The following MEAK7 variants were observed in gnomAD, a reference collection of about 807,000 sequenced individuals.
MEAK7 encodes the protein MTOR-associated protein MEAK7.
MEAK7 carries 68 observed loss-of-function variants against 40.5 expected under a neutral mutation model. That is an observed-to-expected ratio of 1.68 (90% confidence interval 1.38 to 2.06). MEAK7 has a LOEUF of 2.06. MEAK7 is among the 30% of genes most tolerant of loss of function. The pLI is 0.00. For synonymous variants in MEAK7, 338 were observed against 231.9 expected (o/e 1.46, Z -4.16); for missense variants, 918 against 580.5 (o/e 1.58, Z -5.98).
intron 5 of MEAK7, among the ~76,000 whole-genome samples, chr16:84,483,630 G>A (rs72806694): frequency 1.0e-3 from 157 of 152,306 alleles, no homozygotes; most frequent in Middle Eastern, 3.4e-3. Context: ...CGATGGCCCC[G>A]AGCAAGCCAA....
intron 1 of MEAK7, among the ~76,000 whole-genome samples, chr16:84,500,245 C>T (rs1317557105): frequency 2.0e-5 from 3 of 152,136 alleles, no homozygotes; most frequent in East Asian, 1.9e-4. Flanking sequence ...TTCCACCTTC[C>T]GGCTATCATG....
Position 84,478,537 on chromosome 16 carries a change from G to A in MEAK7, c.*1376C>T, listed in dbSNP as rs139452648. ...CAAAAGGTCAAAGCTTACAGCAAAA[G>A]ACAAAAGGAAGAGGTATATATCTTA... is the stretch of plus-strand genomic sequence containing the variant. On this transcript the variant is annotated 3_prime_UTR_variant, in exon 8 of 8. Coordinates refer to ENST00000343629, the MANE Select transcript of MEAK7 (RefSeq NM_020947.4). 6.2e-3 allele frequency: 945 copies of A among 152,314 alleles called. 2 individuals are homozygous for A. Among genetic ancestry groups the A allele is most frequent in the Middle Eastern group, 0.01 (3 of 294 alleles). The allele number at this position is 152,314 out of a possible 1,614,324, so 9.4% of individuals were successfully genotyped here.
chr16:84,504,519 G>C lies in MEAK7; in HGVS notation c.-26+82C>G. 4 of 891,526 alleles carry C rather than the reference G, an allele frequency of 4.5e-6. No individual in the cohort carries two copies. The South Asian group carries it at 2.0e-4, about 46-fold the overall frequency. The allele number at this position is 891,526 out of a possible 1,614,324, so 55.2% of individuals were successfully genotyped here. On this transcript the variant is annotated intron_variant, in intron 1 of 7. Transcript: ENST00000343629. Reference sequence around the variant, plus strand: ...AGGGGCAGGGCCCAGGCCTACTCTGGACCCGTCTGCTCCAGTCCCCCGACT... The same window carrying C: ...AGGGGCAGGGCCCAGGCCTACTCTGCACCCGTCTGCTCCAGTCCCCCGACT...
chr16:84,497,326 G>C, intron 2 of MEAK7: 3 of 995,668 alleles, frequency 3.0e-6, no homozygotes, highest in Non-Finnish European at 3.9e-6. Context: ...TGGGCAAATG[G>C]GCAGTTTTAA....
At chr16:84,503,892 G>T in intron 1 of MEAK7, 1 of 977,050 alleles carries the variant, frequency 1.0e-6, no homozygotes, top group Non-Finnish European at 1.2e-6. Context: ...CACCCTGGCT[G>T]CCAAGCTCCA....
intron 3 of MEAK7, among the ~76,000 whole-genome samples, chr16:84,491,259 G>T: frequency 6.6e-6 from 1 of 152,066 alleles, no homozygotes; most frequent in East Asian, 1.9e-4. Flanking sequence ...GGCCAACGTG[G>T]TGAAACTGTA....
intron 3 of MEAK7, among the ~76,000 whole-genome samples, chr16:84,494,504 G>C (rs187594942): frequency 3.7e-4 from 57 of 152,196 alleles, no homozygotes; most frequent in African/African-American, 1.3e-3. Flanking sequence ...AAAGCTCTGA[G>C]AACTAAAGCT....
At chr16:84,484,981 C>G (rs561447663) in intron 5 of MEAK7, among the ~76,000 whole-genome samples, 1 of 152,332 alleles carries the variant, frequency 6.6e-6, no homozygotes, top group African/African-American at 2.4e-5. Context: ...ATTAAAGGCT[C>G]TGGAGGGAGC....
At chr16:84,483,461 C>G (rs1161630097) in intron 5 of MEAK7, among the ~76,000 whole-genome samples, 1 of 152,252 alleles carries the variant, frequency 6.6e-6, no homozygotes, top group Non-Finnish European at 1.5e-5. Context: ...GCATACACAA[C>G]TGTCACAACA....
Position 84,479,805 on chromosome 16 carries a change from G to A in MEAK7, c.*108C>T. 1.3e-6 allele frequency: 1 copy of A among 752,904 alleles called. No individual in the cohort carries two copies. Among genetic ancestry groups the A allele is most frequent in the Non-Finnish European group, 2.0e-6 (1 of 489,916 alleles). The allele number at this position is 752,904 out of a possible 1,614,324, so 46.6% of individuals were successfully genotyped here. A position where few individuals can be genotyped will look rare whatever the true frequency, so the allele number is the denominator to read the frequency against. ...GTGGGACTACCAGGCTGTGACCCGTGCGGTACGCTATTACAGTTAAACCAT... is the reference window on the plus strand; with the variant it reads ...GTGGGACTACCAGGCTGTGACCCGTACGGTACGCTATTACAGTTAAACCAT... On this transcript the variant is annotated 3_prime_UTR_variant, in exon 8 of 8. Coordinates refer to ENST00000343629, the MANE Select transcript of MEAK7 (RefSeq NM_020947.4).
Position 84,479,707 on chromosome 16 carries a change from TA to T in MEAK7, c.*205del, listed in dbSNP as rs1912341597. 10 of 408,100 alleles carry T rather than the reference TA, an allele frequency of 2.5e-5. No homozygotes were observed. In the East Asian group the frequency reaches 3.6e-4, roughly 15 times the overall value. 25.3% of individuals were successfully genotyped at this position (408,100 alleles called of 1,614,324 possible). ...ACCCTGTAGGGAAAAAAAGAAAACT[TA>T]AAAAACATCTATTTCTGGGAGATCC... On this transcript the variant is annotated 3_prime_UTR_variant, in exon 8 of 8. Coordinates refer to ENST00000343629, the MANE Select transcript of MEAK7 (RefSeq NM_020947.4).
intron 3 of MEAK7, among the ~76,000 whole-genome samples, chr16:84,492,464 A>C (rs1044572516): frequency 6.6e-6 from 1 of 152,170 alleles, no homozygotes; most frequent in Non-Finnish European, 1.5e-5. Context: ...TCTCAAAAAA[A>C]TAAAGGTTTT....
In MEAK7 at chr16:84,500,270, G is replaced by A. The variant is rs1014457837; in HGVS notation, c.-25-2159C>T. Among the ~76,000 whole-genome samples, 5 of 152,196 alleles carry A rather than the reference G, an allele frequency of 3.3e-5. 1 individual carries two copies. The highest frequency in any genetic ancestry group is 1.2e-4 in the African/African-American group (5 of 41,438). On this transcript the variant is annotated intron_variant, in intron 1 of 7. Coordinates refer to ENST00000343629, the MANE Select transcript of MEAK7 (RefSeq NM_020947.4). ...CGGCTATCATGAATAGTGCTGCAAT[G>A]AACATCTGAGTACCTGAGTCCCCCT...
Position 84,480,035 on chromosome 16 carries a change from G to C in MEAK7, c.1258-9C>G, listed in dbSNP as rs373068747. ...CTCTTGTTGCCCTTGGCCTTGAGAAGAGAAGAAAGGGTGGGTGTGTTCCAT... is the reference window on the plus strand; with the variant it reads ...CTCTTGTTGCCCTTGGCCTTGAGAACAGAAGAAAGGGTGGGTGTGTTCCAT... On this transcript the variant is annotated splice_polypyrimidine_tract_variant and intron_variant, in intron 7 of 7. Transcript: ENST00000343629. 3.8e-6 allele frequency: 6 copies of C among 1,585,468 alleles called. No homozygotes were observed. The highest frequency in any genetic ancestry group is 2.7e-5 in the African/African-American group (2 of 74,044).
intron 1 of MEAK7, chr16:84,500,063 G>A (rs1175722291): frequency 1.3e-5 from 2 of 152,218 alleles, no homozygotes; most frequent in Non-Finnish European, 2.9e-5. Context: ...GGAATTATAT[G>A]ATGTGTGGCC....
chr16:84,480,562 C>A lies in MEAK7; in HGVS notation c.1224G>T (p.Val408=), dbSNP rs759063531. 2 of 1,613,576 alleles carry A rather than the reference C, an allele frequency of 1.2e-6. No homozygotes were observed. Among genetic ancestry groups the A allele is most frequent in the Non-Finnish European group, 1.7e-6 (2 of 1,179,770 alleles). Residue 408 remains valine, a synonymous_variant, in exon 7 of 8, where the codon GTG becomes GTT. Coordinates refer to ENST00000343629, the MANE Select transcript of MEAK7 (RefSeq NM_020947.4). Reference sequence around the variant, plus strand: ...CCTCTGAGGGGTCTCCAACCGCCCACACCTCCATCTTATCAAACTGGAAGT... The same window carrying A: ...CCTCTGAGGGGTCTCCAACCGCCCAAACCTCCATCTTATCAAACTGGAAGT... ...QENFQFDKME[V]WAVGDPSEEQ...
At chr16:84,498,946 T>G (rs1427508174) in intron 1 of MEAK7, among the ~76,000 whole-genome samples, 9 of 152,184 alleles carry the variant, frequency 5.9e-5, no homozygotes, top group African/African-American at 9.7e-5. Flanking sequence ...CTGCCTCAAT[T>G]TCCCCATTTG....
At chr16:84,488,236 G>A (rs1282763022) in intron 4 of MEAK7, 1 of 152,084 alleles carries the variant, frequency 6.6e-6, no homozygotes, top group Admixed American at 6.5e-5. Flanking sequence ...CTAGATGGAT[G>A]AACAGTTTAC....
rs758076949 is a variant in MEAK7 at position 84,489,325 on chromosome 16, C to CG, written c.481dup (p.Arg161ProfsTer12). 262 of 1,614,136 alleles carry CG rather than the reference C, an allele frequency of 1.6e-4. 2 individuals are homozygous for CG. The highest frequency in any genetic ancestry group is 5.8e-4 in the South Asian group (53 of 91,068). Reference sequence around the variant, plus strand: ...CAGCTGAGCAGCCAGCACCTGCACCCGGGGGTTGGGCCCTGGGGCTTCCTT... The same window carrying CG: ...CAGCTGAGCAGCCAGCACCTGCACCCGGGGGGTTGGGCCCTGGGGCTTCCTT... On this transcript the variant is annotated frameshift_variant, in exon 4 of 8. Transcript: ENST00000343629. LOFTEE classifies it high-confidence loss of function.
Sources: gnomAD v4.1 joint callset for allele counts (sites outside exome capture counted in the v4.1 genomes callset) on GRCh38, gnomAD v4.1.1 for gene constraint, MANE v1.5 for transcripts, NCBI Gene and HGNC (gene_info 2026-07-23, HGNC 2026-07-21) for gene names.